SPIDR: variants seen among roughly 807,000 people sequenced by gnomAD.
SPIDR encodes the protein scaffold protein involved in DNA repair.
Under a neutral mutation model 104.6 loss-of-function variants are expected in SPIDR, and 93 were observed. That is an observed-to-expected ratio of 0.89 (90% CI 0.75 to 1.06). SPIDR has a LOEUF of 1.06. SPIDR is among the 50% of genes least tolerant of loss of function. The pLI is 0.00. For missense variants in SPIDR, 1,154 were observed against 1,111.2 expected, an observed-to-expected ratio of 1.04 and a Z score of -0.55; for synonymous variants, 431 against 416.9, an observed-to-expected ratio of 1.03 and a Z score of -0.41.
chr8:47,304,846 T>C (rs2042852640), intron 5 of SPIDR, among the ~76,000 whole-genome samples: 2 of 152,234 alleles, frequency 1.3e-5, no homozygotes, highest in African/African-American at 4.8e-5. Context: ...TGTATTAGGA[T>C]TAGGCCATGA....
At chr8:47,576,234 C>A (rs1211413238) in intron 8 of SPIDR, among the ~76,000 whole-genome samples, 1 of 152,188 alleles carries the variant, frequency 6.6e-6, no homozygotes, top group African/African-American at 2.4e-5. Context: ...TCACTGCAGC[C>A]TCCGCCTCCG....
intron 10 of SPIDR, among the ~76,000 whole-genome samples, chr8:47,632,566 A>G (rs2067229896): frequency 6.6e-6 from 1 of 152,198 alleles, no homozygotes; most frequent in Non-Finnish European, 1.5e-5. Flanking sequence ...TTAAATTGAA[A>G]TCATAAAACT....
intron 8 of SPIDR, among the ~76,000 whole-genome samples, chr8:47,582,220 C>A (rs1381098807): frequency 3.5e-3 from 499 of 142,394 alleles, no homozygotes; most frequent in Middle Eastern, 7.1e-3. Context: ...GACTCCATCT[C>A]AAAAAAAAAA....
chr8:47,408,111 A>T (rs2063000876), intron 7 of SPIDR, 150 bp downstream of exon 7: 2 of 418,554 alleles, frequency 4.8e-6, no homozygotes, highest in East Asian at 3.8e-5. Flanking sequence ...TATAAAAACT[A>T]TATATAGTAA....
intron 1 of SPIDR, among the ~76,000 whole-genome samples, chr8:47,271,252 T>G (rs2154214580): frequency 6.6e-6 from 1 of 152,322 alleles, no homozygotes; most frequent in East Asian, 1.9e-4. Context: ...GTTGTATGTT[T>G]CATTAAATTG....
At chr8:47,722,591 A>G (rs2083556339) in intron 16 of SPIDR, among the ~76,000 whole-genome samples, 1 of 152,078 alleles carries the variant, frequency 6.6e-6, no homozygotes, top group African/African-American at 2.4e-5. Context: ...TTTTCCATCT[A>G]CCTACCTTTG....
chr8:47,377,061 T>C (rs1416997694), intron 5 of SPIDR, among the ~76,000 whole-genome samples: 3 of 152,198 alleles, frequency 2.0e-5, no homozygotes, highest in Admixed American at 1.3e-4. Context: ...TAGTCCTTTA[T>C]AGAAAAGCTT....
chr8:47,288,742 G>A (rs1479367422), intron 3 of SPIDR, among the ~76,000 whole-genome samples: 1 of 152,158 alleles, frequency 6.6e-6, no homozygotes, highest in African/African-American at 2.4e-5. Flanking sequence ...GTGAACAATA[G>A]GCCACTTCAG....
At chr8:47,497,649 A>C (rs2079648876) in intron 8 of SPIDR, among the ~76,000 whole-genome samples, 1 of 152,214 alleles carries the variant, frequency 6.6e-6, no homozygotes, top group Non-Finnish European at 1.5e-5. Flanking sequence ...AAAAGGAATA[A>C]GCTTTTTACA....
intron 1 of SPIDR, among the ~76,000 whole-genome samples, chr8:47,266,129 CTT>C (rs1224689414): frequency 2.2e-4 from 28 of 129,606 alleles, no homozygotes; most frequent in Admixed American, 3.1e-4. Flanking sequence ...GTTTCTTTGT[CTT>C]TTTTTTTTTT....
At chr8:47,549,197 C>G (rs898496899) in intron 8 of SPIDR, among the ~76,000 whole-genome samples, 4 of 152,138 alleles carry the variant, frequency 2.6e-5, no homozygotes, top group African/African-American at 9.7e-5. Flanking sequence ...GGTTCCAAGT[C>G]TTTGCTATTG....
At chr8:47,523,222 T>C (rs1245245620) in intron 8 of SPIDR, among the ~76,000 whole-genome samples, 2 of 152,166 alleles carry the variant, frequency 1.3e-5, no homozygotes, top group African/African-American at 2.4e-5. Flanking sequence ...TTGGTGTGTT[T>C]TCACCTAAAT....
chr8:47,510,989 C>T (rs2082233154), intron 8 of SPIDR: 1 of 678,264 alleles, frequency 1.5e-6, no homozygotes, highest in Non-Finnish European at 2.7e-6. Context: ...TGGCCACTGG[C>T]TGTGAGAAAC....
chr8:47,478,695 A>G (rs1453430540), intron 8 of SPIDR, among the ~76,000 whole-genome samples: 1 of 152,194 alleles, frequency 6.6e-6, no homozygotes, highest in Non-Finnish European at 1.5e-5. Context: ...GTGTTCACAG[A>G]TACTCATCTC....
At chr8:47,273,568 G>A (rs1035606519) in intron 1 of SPIDR, among the ~76,000 whole-genome samples, 9 of 151,080 alleles carry the variant, frequency 6.0e-5, no homozygotes, top group Non-Finnish European at 1.2e-4. Flanking sequence ...ATCGAATCTT[G>A]TTAAAGAGTT....
At chr8:47,466,122 G>A (rs2074732599) in intron 8 of SPIDR, among the ~76,000 whole-genome samples, 1 of 152,098 alleles carries the variant, frequency 6.6e-6, no homozygotes, top group East Asian at 1.9e-4. Context: ...CATCAAGGCA[G>A]AAAATTAACA....
chr8:47,397,874 GT>G (rs1326947632), intron 6 of SPIDR, among the ~76,000 whole-genome samples: 1 of 152,152 alleles, frequency 6.6e-6, no homozygotes, highest in African/African-American at 2.4e-5. Context: ...TTTGAAAACA[GT>G]GGGGGTCCGA....
intron 8 of SPIDR, among the ~76,000 whole-genome samples, chr8:47,507,988 A>C (rs530206358): frequency 5.9e-5 from 9 of 152,200 alleles, no homozygotes; most frequent in Non-Finnish European, 1.3e-4. Flanking sequence ...GGCCCACTCA[A>C]TACTGGATTG....
chr8:47,610,499 C>T (rs2063469041), intron 10 of SPIDR, among the ~76,000 whole-genome samples: 1 of 152,214 alleles, frequency 6.6e-6, no homozygotes, highest in Non-Finnish European at 1.5e-5. Flanking sequence ...CACCTTGCTG[C>T]CCCTCTCCTC....
Sources: allele counts gnomAD v4.1 joint callset (sites outside exome capture counted in the v4.1 genomes callset), GRCh38; gene constraint gnomAD v4.1.1; transcripts MANE v1.5; gene names NCBI Gene and HGNC (gene_info 2026-07-23, HGNC 2026-07-21).